ZMIZ1: variants seen among roughly 807,000 people sequenced by gnomAD.
The protein encoded by ZMIZ1 is zinc finger MIZ-type containing 1.
ZMIZ1 carries 17 observed loss-of-function variants against 113.9 expected under a neutral mutation model. The observed-to-expected ratio is 0.15, with a 90% confidence interval of 0.10 to 0.22. ZMIZ1 has a LOEUF of 0.22. Ranked by LOEUF, ZMIZ1 falls within the 10% of genes least tolerant of loss-of-function variation. ZMIZ1 has a pLI of 1.00. For missense variants in ZMIZ1, 1,059 were observed against 1,477.8 expected, an observed-to-expected ratio of 0.72 and a Z score of 4.65; for synonymous variants, 607 against 603.1, an observed-to-expected ratio of 1.01 and a Z score of -0.09.
intron 4 of ZMIZ1, among the ~76,000 whole-genome samples, chr10:79,177,462 C>T (rs1846920953): frequency 6.6e-6 from 1 of 152,218 alleles, no homozygotes; most frequent in Non-Finnish European, 1.5e-5. Flanking sequence ...TTCAAGCACA[C>T]CCAGACCCGT....
intron 4 of ZMIZ1, among the ~76,000 whole-genome samples, chr10:79,196,657 A>G (rs1847846203): frequency 1.3e-5 from 2 of 152,116 alleles, no homozygotes; most frequent in Admixed American, 1.3e-4. Flanking sequence ...GGCCCCCGCT[A>G]TGACTAAACA....
intron 3 of ZMIZ1, among the ~76,000 whole-genome samples, chr10:79,154,858 C>T (rs1310309436): frequency 6.6e-6 from 1 of 151,462 alleles, no homozygotes; most frequent in East Asian, 1.9e-4. Context: ...GGGTTCAGTG[C>T]CCCCATCCCA....
At chr10:79,168,821 C>T (rs1429134875) in intron 4 of ZMIZ1, among the ~76,000 whole-genome samples, 2 of 152,168 alleles carry the variant, frequency 1.3e-5, no homozygotes, top group Non-Finnish European at 2.9e-5. Context: ...CCACAGGTGT[C>T]CGTCCACCCT....
rs1217299646 is a variant in ZMIZ1 at position 79,315,952 on chromosome 10, T to G, written c.*3203T>G. On this transcript the variant is annotated 3_prime_UTR_variant, in exon 25 of 25. Coordinates refer to ENST00000334512, the MANE Select transcript of ZMIZ1 (RefSeq NM_020338.4). ...TCTCCACGTCTGTCTCTCTCGCTCA[T>G]GTAATATACTCTGACCCTGAGTGGA... is the stretch of plus-strand genomic sequence containing the variant. 1 of 152,812 alleles carries G rather than the reference T, an allele frequency of 6.5e-6. No homozygotes were observed. Among genetic ancestry groups the G allele is most frequent in the African/African-American group, 2.4e-5 (1 of 41,472 alleles). The allele number at this position is 152,812 out of a possible 1,614,324, so 9.5% of individuals were successfully genotyped here.
At chr10:79,281,910 AGGT>A (rs1852763778) in intron 8 of ZMIZ1, among the ~76,000 whole-genome samples, 1 of 152,334 alleles carries the variant, frequency 6.6e-6, no homozygotes, top group South Asian at 2.1e-4. Context: ...AGGGTCAACG[AGGT>A]GGTATCTCGT....
At chr10:79,263,448 C>T (rs1012680544) in intron 7 of ZMIZ1, among the ~76,000 whole-genome samples, 3 of 152,146 alleles carry the variant, frequency 2.0e-5, no homozygotes, top group African/African-American at 7.2e-5. Context: ...AAAGCGCAGC[C>T]CATCTCAGTT....
chr10:79,239,090 G>A (rs1413636237), intron 7 of ZMIZ1, among the ~76,000 whole-genome samples: 1 of 152,214 alleles, frequency 6.6e-6, no homozygotes, highest in East Asian at 1.9e-4. Context: ...GATGAGGGGG[G>A]AAAGGGAGTG....
At chr10:79,146,945 C>CGTGTGT (rs66763458) in intron 3 of ZMIZ1, among the ~76,000 whole-genome samples, 13 of 137,718 alleles carry the variant, frequency 9.4e-5, no homozygotes, top group African/African-American at 3.1e-4. Flanking sequence ...GTGTAGTGTA[C>CGTGTGT]GTGTGTGTGT....
chr10:79,127,165 C>G (rs1008178033), intron 2 of ZMIZ1, among the ~76,000 whole-genome samples: 1 of 152,190 alleles, frequency 6.6e-6, no homozygotes, highest in African/African-American at 2.4e-5. Flanking sequence ...CTGACTGATA[C>G]CCTGATGCAG....
intron 8 of ZMIZ1, among the ~76,000 whole-genome samples, chr10:79,280,507 T>C (rs2131987865): frequency 6.6e-6 from 1 of 152,206 alleles, no homozygotes; most frequent in South Asian, 2.1e-4. Flanking sequence ...ACTCCTGGGC[T>C]CAAACAATCC....
At chr10:79,082,997 A>G (rs975224410) in intron 1 of ZMIZ1, among the ~76,000 whole-genome samples, 1 of 152,084 alleles carries the variant, frequency 6.6e-6, no homozygotes, top group Middle Eastern at 3.2e-3. Context: ...TCCTTTGTCA[A>G]GTTTATCAAG....
At chr10:79,091,718 G>C (rs531102127) in intron 1 of ZMIZ1, among the ~76,000 whole-genome samples, 4 of 152,208 alleles carry the variant, frequency 2.6e-5, no homozygotes, top group Non-Finnish European at 5.9e-5. Flanking sequence ...GTGTGCCTGT[G>C]GGGGTGCTGG....
intron 1 of ZMIZ1, among the ~76,000 whole-genome samples, chr10:79,102,437 C>T (rs1162514657): frequency 6.6e-6 from 1 of 152,228 alleles, no homozygotes; most frequent in Non-Finnish European, 1.5e-5. Flanking sequence ...CAGGGCTGGG[C>T]CAGTGAATTC....
chr10:79,192,953 C>T (rs949157756), intron 4 of ZMIZ1, among the ~76,000 whole-genome samples: 2 of 152,140 alleles, frequency 1.3e-5, no homozygotes, highest in African/African-American at 4.8e-5. Context: ...TCTCCTGTCT[C>T]TCTGCCCTTC....
chr10:79,247,533 A>G (rs1250481822), intron 7 of ZMIZ1, among the ~76,000 whole-genome samples: 2 of 151,988 alleles, frequency 1.3e-5, no homozygotes, highest in African/African-American at 4.8e-5. Context: ...CCCTCTCAGT[A>G]GCCCCAGCCA....
At chr10:79,213,059 G>A (rs975968315) in intron 6 of ZMIZ1, among the ~76,000 whole-genome samples, 11 of 150,996 alleles carry the variant, frequency 7.3e-5, no homozygotes, top group African/African-American at 2.7e-4. Flanking sequence ...CCCCCACCCC[G>A]CCACCGTGGG....
intron 2 of ZMIZ1, among the ~76,000 whole-genome samples, chr10:79,135,135 TA>T (rs1351499391): frequency 6.6e-6 from 1 of 152,206 alleles, no homozygotes; most frequent in Admixed American, 6.5e-5. Context: ...TTTAAGTACA[TA>T]AAGAATTAAG....
At chr10:79,237,065 G>A (rs775130124) in intron 7 of ZMIZ1, among the ~76,000 whole-genome samples, 4 of 152,208 alleles carry the variant, frequency 2.6e-5, no homozygotes, top group Admixed American at 6.5e-5. Context: ...GGGGTCCCCC[G>A]AGGGAAAGCC....
rs971768657 is a variant in ZMIZ1 at position 79,307,509 on chromosome 10, C to T, written c.2773C>T (p.Pro925Ser). The change falls in exon 23 of 25, where the codon CCG becomes TCG. Residue 925 changes from proline (P) to serine (S), a missense_variant. Pro to Ser is a moderately conservative substitution (Grantham distance 74). This residue lies in a region of ZMIZ1 where 225 missense variants were observed against 276.0 expected (regional missense o/e 0.82). Coordinates refer to ENST00000334512, the MANE Select transcript of ZMIZ1 (RefSeq NM_020338.4). Reference protein sequence around the residue: ...MHGPPQLSHPPDMPNNMAALE... With the variant: ...MHGPPQLSHPSDMPNNMAALE... Reference sequence around the variant, plus strand: ...CGGGCCCCCCCAGCTCTCCCACCCCCCGGACATGCCCAACAACATGGCCGC... The same window carrying T: ...CGGGCCCCCCCAGCTCTCCCACCCCTCGGACATGCCCAACAACATGGCCGC... 1 of 1,612,554 alleles carries T rather than the reference C, an allele frequency of 6.2e-7. No individual in the cohort carries two copies. Among genetic ancestry groups the T allele is most frequent in the Admixed American group, 1.7e-5 (1 of 59,818 alleles).
Sources: gnomAD v4.1 joint callset for allele counts (sites outside exome capture counted in the v4.1 genomes callset) on GRCh38, gnomAD v4.1.1 for gene constraint, gnomAD v4.1.1 regional missense constraint, MANE v1.5 for transcripts, NCBI Gene and HGNC (gene_info 2026-07-23, HGNC 2026-07-21) for gene names.